THOC2: variants seen among roughly 807,000 people sequenced by gnomAD.
THOC2 encodes THO complex 2.
Under a neutral mutation model 128.4 loss-of-function variants are expected in THOC2, and 10 were observed. That is an observed-to-expected ratio of 0.08 (90% CI 0.05 to 0.13). The LOEUF (loss-of-function observed/expected upper bound fraction) is 0.13. Ranked by LOEUF, THOC2 falls within the 10% of genes least tolerant of loss-of-function variation. The probability of loss-of-function intolerance (pLI) is 1.00; values close to 1 mark genes in which losing one functional copy is unlikely to be tolerated. For synonymous variants in THOC2, 393 were observed against 396.9 expected (o/e 0.99, Z 0.12); for missense variants, 535 against 1,155.7 (o/e 0.46, Z 7.79).
At chrX:123,608,679 T>G (rs939390829) in intron 38 of THOC2, among the ~76,000 whole-genome samples, 1 of 111,340 alleles carries the variant, frequency 9.0e-6, no homozygotes, top group African/African-American at 3.3e-5. Context: ...AAGGCAGAGG[T>G]TGCAGTGATC....
chrX:123,686,787 G>T (rs2147872115), intron 7 of THOC2, 73 bp from the exon 8 acceptor site: 1 of 842,404 alleles, frequency 1.2e-6, no homozygotes, highest in Non-Finnish European at 1.6e-6. Context: ...TAATTTTCAG[G>T]AATAACTCAT....
chrX:123,688,671 CAAG>C (rs1406037395), intron 7 of THOC2, among the ~76,000 whole-genome samples: 8 of 110,808 alleles, frequency 7.2e-5, no homozygotes, highest in Non-Finnish European at 1.5e-4. Flanking sequence ...TGCAGTGAGT[CAAG>C]AAGAAGCAAA....
In THOC2 at chrX:123,627,936, C is replaced by T. The variant is rs751184183; in HGVS notation, c.2514G>A (p.Lys838=). 5 of 1,207,415 alleles carry T rather than the reference C, an allele frequency of 4.1e-6. No homozygotes were observed. In the Admixed American group the frequency reaches 1.1e-4, roughly 26 times the overall value. ...GAACTTTATGTTGCTGTTTACTTCC[C>T]TTTTCTGATTTTTTAAGTTCATCAT... is the stretch of plus-strand genomic sequence containing the variant. ...SKYDELKKSE[K]GSKQQHKVHK... Residue 838 remains lysine, a synonymous_variant, in exon 23 of 39, where the codon AAG becomes AAA. Transcript: ENST00000245838.
chrX:123,609,669 AG>A (rs1407190148), intron 38 of THOC2, among the ~76,000 whole-genome samples: 3 of 112,049 alleles, frequency 2.7e-5, no homozygotes. Context: ...AACGAAGTAT[AG>A]AAAAGCAAGT....
intron 1 of THOC2, among the ~76,000 whole-genome samples, chrX:123,713,292 A>C (rs185243541): frequency 9.1e-6 from 1 of 110,044 alleles, no homozygotes; most frequent in Admixed American, 9.8e-5. Flanking sequence ...GGGCAACACA[A>C]TGAAACCCCG....
chrX:123,671,516 G>T, intron 9 of THOC2, among the ~76,000 whole-genome samples, 153 bp downstream of exon 9: 1 of 112,090 alleles, frequency 8.9e-6, no homozygotes, highest in Non-Finnish European at 1.9e-5. Context: ...ACTTTATAAA[G>T]TAAACACAAA....
At chrX:123,722,055 C>A (rs1403529454) in intron 1 of THOC2, among the ~76,000 whole-genome samples, 1 of 111,922 alleles carries the variant, frequency 8.9e-6, no homozygotes, top group African/African-American at 3.2e-5. Context: ...ACCAAGTGAG[C>A]CTGTCACTTC....
chrX:123,680,416 C>T (rs959059062), intron 8 of THOC2, among the ~76,000 whole-genome samples: 7 of 110,802 alleles, frequency 6.3e-5, no homozygotes, highest in Non-Finnish European at 9.5e-5. Flanking sequence ...CCTATGATCC[C>T]GCCACATCCC....
intron 7 of THOC2, among the ~76,000 whole-genome samples, chrX:123,695,731 G>C (rs917994973): frequency 3.6e-5 from 4 of 111,292 alleles, no homozygotes; most frequent in Non-Finnish European, 7.5e-5. Flanking sequence ...ATTCTCTTTT[G>C]AAAGTGTTGG....
chrX:123,633,926 T>A (rs777916296), intron 20 of THOC2, 27 bp downstream of exon 20: 1 of 966,309 alleles, frequency 1.0e-6, no homozygotes, highest in Non-Finnish European at 1.5e-6. Context: ...ATTTTAAAAG[T>A]TGATGAACAA....
At chrX:123,606,286 A>AG (rs1556000299) in intron 38 of THOC2, among the ~76,000 whole-genome samples, 12 of 108,253 alleles carry the variant, frequency 1.1e-4, no homozygotes, top group African/African-American at 3.7e-4. Context: ...AAAAAAAAAA[A>AG]AAAGAAAGAA....
chrX:123,678,117 T>G lies in THOC2; in HGVS notation c.769-6356A>C, dbSNP rs946248989. 2.7e-5 allele frequency among the ~76,000 whole-genome samples: 3 copies of G among 110,294 alleles called. No homozygotes were observed. The East Asian group carries it at 8.5e-4, about 31-fold the overall frequency. On this transcript the variant is annotated intron_variant, in intron 8 of 38. Coordinates refer to ENST00000245838, the MANE Select transcript of THOC2 (RefSeq NM_001081550.2). ...GGACCTGAGGCTCTTCTTGAGGAGG[T>G]GTCACTCTTTTCAGAAATATGTCCA...
rs774840441 is a variant in THOC2 at position 123,623,798 on chromosome X, T to C, written c.3492A>G (p.Ala1164=). The change falls in exon 28 of 39, where the codon GCA becomes GCG. Residue 1164 remains alanine, a synonymous_variant. Transcript: ENST00000245838. Reference sequence around the variant, plus strand: ...TATAATTTTGTTACCCCATAGCCAATGCATATAGATCTGGCCTCTTCTCTT... The same window carrying C: ...TATAATTTTGTTACCCCATAGCCAACGCATATAGATCTGGCCTCTTCTCTT... ...EEKEKRPDLY[A]LAMGYSGQLK... is the part of the protein sequence containing the mutation. 1 of 1,207,877 alleles carries C rather than the reference T, an allele frequency of 8.3e-7. No individual in the cohort carries two copies. Among genetic ancestry groups the C allele is most frequent in the South Asian group, 1.8e-5 (1 of 56,346 alleles).
At chrX:123,699,063 A>G (rs1440887243) in intron 4 of THOC2, among the ~76,000 whole-genome samples, 1 of 111,628 alleles carries the variant, frequency 9.0e-6, no homozygotes, top group Non-Finnish European at 1.9e-5. Flanking sequence ...GCCAAATGCC[A>G]AGCACCAAAA....
chrX:123,657,511 AAG>A (rs1487185803), intron 12 of THOC2, among the ~76,000 whole-genome samples: 1 of 110,428 alleles, frequency 9.1e-6, no homozygotes, highest in African/African-American at 3.3e-5. Context: ...ATCAAAGAAA[AAG>A]AAAAAATCCT....
At chrX:123,640,014 C>A (rs914871513) in intron 16 of THOC2, among the ~76,000 whole-genome samples, 1 of 110,858 alleles carries the variant, frequency 9.0e-6, no homozygotes, top group Non-Finnish European at 1.9e-5. Flanking sequence ...GGTGAAACCA[C>A]ATCTCTACTA....
chrX:123,643,065 T>A (rs926861080), intron 15 of THOC2, among the ~76,000 whole-genome samples: 2 of 111,349 alleles, frequency 1.8e-5, no homozygotes, highest in African/African-American at 6.5e-5. Flanking sequence ...TCACTAGAAG[T>A]AACACTGGAG....
intron 1 of THOC2, among the ~76,000 whole-genome samples, chrX:123,730,346 T>C (rs1603350436): frequency 9.0e-6 from 1 of 110,999 alleles, no homozygotes; most frequent in East Asian, 2.8e-4. Context: ...GCTCGGCAAA[T>C]TTTGTACTTT....
chrX:123,712,851 T>G lies in THOC2; in HGVS notation c.129A>C (p.Arg43Ser). 1 of 1,143,766 alleles carries G rather than the reference T, an allele frequency of 8.7e-7. No homozygotes were observed. Among genetic ancestry groups the G allele is most frequent in the Non-Finnish European group, 1.2e-6 (1 of 849,834 alleles). The allele number at this position is 1,143,766 out of a possible 1,213,427, so 94.3% of individuals were successfully genotyped here. A position where few individuals can be genotyped will look rare whatever the true frequency, so the allele number is the denominator to read the frequency against. Residue 43 changes from arginine (R) to serine (S), a missense_variant and splice_region_variant, in exon 2 of 39, where the codon AGA becomes AGC. Physicochemically the swap from Arg to Ser is moderately radical, Grantham distance 110. Around this residue, in one of 9 missense-constraint regions of THOC2, gnomAD observed 61 missense variants for 84.3 expected, o/e 0.72. Transcript: ENST00000245838. ...ENKSHDSSTY[R>S]DFQQALYELS... ...CTAAGATACTTTTAAAAATCTTACC[T>G]CTGTATGTTGAACTATCATGGCTTT... is the stretch of plus-strand genomic sequence containing the variant.
Sources: gnomAD v4.1 joint callset for allele counts (sites outside exome capture counted in the v4.1 genomes callset) on GRCh38, gnomAD v4.1.1 for gene constraint, gnomAD v4.1.1 regional missense constraint, MANE v1.5 for transcripts, NCBI Gene and HGNC (gene_info 2026-07-23, HGNC 2026-07-21) for gene names.